Variants in TDRD3 observed in about 807,000 individuals in gnomAD.
TDRD3 encodes tudor domain-containing protein 3.
In TDRD3, 45 loss-of-function variants were observed where a neutral mutation model predicts 86.7. The observed-to-expected ratio is 0.52, with a 90% confidence interval of 0.41 to 0.67. The LOEUF (loss-of-function observed/expected upper bound fraction) is 0.67. TDRD3 is among the 30% of genes least tolerant of loss of function. The pLI, the probability that TDRD3 is intolerant of heterozygous loss-of-function variation, is 0.00. For synonymous variants in TDRD3, 298 were observed against 301.7 expected, an observed-to-expected ratio of 0.99 and a Z score of 0.13; for missense variants, 814 against 889.0, an observed-to-expected ratio of 0.92 and a Z score of 1.07.
At chr13:60,483,996 T>G (rs1385592005) in intron 6 of TDRD3, 150 bp downstream of exon 6, 1 of 766,796 alleles carries the variant, frequency 1.3e-6, no homozygotes, top group Non-Finnish European at 1.9e-6. Flanking sequence ...AATTTTGAGG[T>G]TTTTTTCCTT....
intron 5 of TDRD3, among the ~76,000 whole-genome samples, chr13:60,479,503 T>TA (rs2137475529): frequency 6.6e-6 from 1 of 152,330 alleles, no homozygotes; most frequent in East Asian, 1.9e-4. Flanking sequence ...TGCATATGTT[T>TA]ATTAGGTCCA....
intron 1 of TDRD3, among the ~76,000 whole-genome samples, chr13:60,416,216 G>T (rs1954509771): frequency 6.6e-6 from 1 of 152,112 alleles, no homozygotes; most frequent in East Asian, 1.9e-4. Context: ...TAAGTGTAAA[G>T]TGTAAAGATT....
rs73208085 is a variant in TDRD3, at chr13:60,527,286, A to G, written c.1142-1081A>G. ...TGTTTGGGGAAAGTTTTGATAGTCA[A>G]CATCCCTGGGGATGCTGGGGGAGGG... On this transcript the variant is annotated intron_variant, in intron 10 of 13. Transcript: ENST00000377881. Among the ~76,000 whole-genome samples, 1,102 of 152,254 alleles carry G rather than the reference A, an allele frequency of 7.2e-3. 9 individuals are homozygous for G. The highest frequency in any genetic ancestry group is 0.024 in the Middle Eastern group (7 of 294).
At chr13:60,429,157 T>C (rs1954890025) in intron 1 of TDRD3, among the ~76,000 whole-genome samples, 1 of 152,216 alleles carries the variant, frequency 6.6e-6, no homozygotes, top group Non-Finnish European at 1.5e-5. Context: ...TATTGTTTAG[T>C]ATTTACCTGT....
At chr13:60,491,069 G>A (rs1398357300) in intron 7 of TDRD3, among the ~76,000 whole-genome samples, 1 of 148,048 alleles carries the variant, frequency 6.8e-6, no homozygotes, top group African/African-American at 2.5e-5. Context: ...AGTCAAGATT[G>A]TGCTATTGCA....
At chr13:60,451,436 C>G (rs1461291974) in intron 3 of TDRD3, among the ~76,000 whole-genome samples, 2 of 152,122 alleles carry the variant, frequency 1.3e-5, no homozygotes, top group Non-Finnish European at 2.9e-5. Flanking sequence ...CCAGCTTGTT[C>G]CAGCTCGTGA....
At chr13:60,503,744 A>G (rs1475973054) in intron 8 of TDRD3, among the ~76,000 whole-genome samples, 1 of 152,204 alleles carries the variant, frequency 6.6e-6, no homozygotes, top group African/African-American at 2.4e-5. Flanking sequence ...ATTGCTACAA[A>G]TTATTTATTT....
At chr13:60,491,462 A>T (rs1956586978) in intron 7 of TDRD3, among the ~76,000 whole-genome samples, 1 of 152,200 alleles carries the variant, frequency 6.6e-6, no homozygotes, top group Non-Finnish European at 1.5e-5. Flanking sequence ...GAACCCTGTA[A>T]CACTTCAATT....
intron 4 of TDRD3, among the ~76,000 whole-genome samples, chr13:60,462,752 T>G (rs956397557): frequency 2.6e-5 from 4 of 152,140 alleles, no homozygotes; most frequent in African/African-American, 9.7e-5. Flanking sequence ...CAAAATATAC[T>G]TTCTGAATAA....
chr13:60,441,228 T>G (rs940203591), intron 2 of TDRD3, among the ~76,000 whole-genome samples: 2 of 152,170 alleles, frequency 1.3e-5, no homozygotes, highest in African/African-American at 4.8e-5. Context: ...TCTTCTTGTT[T>G]AAGAAAAACT....
At chr13:60,478,004 G>A (rs1956222581) in intron 5 of TDRD3, among the ~76,000 whole-genome samples, 1 of 151,224 alleles carries the variant, frequency 6.6e-6, no homozygotes, top group East Asian at 1.9e-4. Context: ...TCTGGTCTAG[G>A]ATTTTTTTGG....
intron 1 of TDRD3, among the ~76,000 whole-genome samples, chr13:60,434,256 G>A (rs1955032164): frequency 6.6e-6 from 1 of 152,062 alleles, no homozygotes; most frequent in South Asian, 2.1e-4. Context: ...GATTGTTGGA[G>A]CTCAGGAGTT....
intron 6 of TDRD3, chr13:60,484,719 AAG>A: frequency 2.2e-6 from 1 of 455,624 alleles, no homozygotes; most frequent in Non-Finnish European, 4.4e-6. Context: ...GCCAAGATAA[AAG>A]AAAGTGTGAA....
chr13:60,422,103 T>C (rs1566178975), intron 1 of TDRD3, among the ~76,000 whole-genome samples: 1 of 152,064 alleles, frequency 6.6e-6, no homozygotes, highest in Non-Finnish European at 1.5e-5. Context: ...TTTCAAAGAA[T>C]AGGTACGATT....
chr13:60,442,302 T>C (rs1399156945), intron 2 of TDRD3, among the ~76,000 whole-genome samples: 1 of 152,136 alleles, frequency 6.6e-6, no homozygotes, highest in Non-Finnish European at 1.5e-5. Flanking sequence ...TCTTTTAAGA[T>C]TTTGTATAAT....
At chr13:60,536,547 G>T (rs1469551249) in intron 12 of TDRD3, 1 of 151,962 alleles carries the variant, frequency 6.6e-6, no homozygotes, top group Non-Finnish European at 1.5e-5. Context: ...TAGTTTTGAT[G>T]ATGAAAGTAA....
chr13:60,440,946 T>A (rs1382014172), intron 2 of TDRD3, among the ~76,000 whole-genome samples: 1 of 152,182 alleles, frequency 6.6e-6, no homozygotes, highest in African/African-American at 2.4e-5. Flanking sequence ...CTTAAATTTA[T>A]ATTTATAGAA....
intron 11 of TDRD3, among the ~76,000 whole-genome samples, chr13:60,530,549 T>C: frequency 6.6e-6 from 1 of 151,834 alleles, no homozygotes; most frequent in Non-Finnish European, 1.5e-5. Context: ...CAAGCAATTC[T>C]CCTGCCTCAG....
At chr13:60,486,732 C>T (rs1348557818) in intron 7 of TDRD3, among the ~76,000 whole-genome samples, 1 of 152,112 alleles carries the variant, frequency 6.6e-6, no homozygotes, top group African/African-American at 2.4e-5. Context: ...TAATTTAATT[C>T]CCATTAATCA....
Sources: gnomAD v4.1 joint callset for allele counts (sites outside exome capture counted in the v4.1 genomes callset) on GRCh38, gnomAD v4.1.1 for gene constraint, MANE v1.5 for transcripts, NCBI Gene and HGNC (gene_info 2026-07-23, HGNC 2026-07-21) for gene names.